Variants in DLG2 observed in about 807,000 individuals in gnomAD.
DLG2 encodes disks large homolog 2.
A neutral mutation model predicts 132.5 loss-of-function variants in DLG2; 45 were observed. The observed-to-expected ratio is 0.34, with a 90% CI of 0.27 to 0.44. The LOEUF (loss-of-function observed/expected upper bound fraction) is 0.44. DLG2 is among the 20% of genes least tolerant of loss of function. The pLI, the probability that DLG2 is intolerant of heterozygous loss-of-function variation, is 1.00. For synonymous variants in DLG2, 424 were observed against 419.6 expected, an observed-to-expected ratio of 1.01 and a Z score of -0.13; for missense variants, 1,045 against 1,196.9, an observed-to-expected ratio of 0.87 and a Z score of 1.87.
At chr11:84,721,207 C>A (rs2061798977) in intron 6 of DLG2, among the ~76,000 whole-genome samples, 1 of 152,170 alleles carries the variant, frequency 6.6e-6, no homozygotes, top group South Asian at 2.1e-4. Flanking sequence ...CAACAGCATG[C>A]CTTGCCGGGG....
chr11:85,308,568 C>G (rs1009622027), intron 3 of DLG2, among the ~76,000 whole-genome samples: 1 of 152,098 alleles, frequency 6.6e-6, no homozygotes, highest in Non-Finnish European at 1.5e-5. Context: ...AAGCTCTTAC[C>G]GAATCCTGGT....
At chr11:83,549,466 ATAATAACTGG>A (rs1171512185) in intron 19 of DLG2, among the ~76,000 whole-genome samples, 1 of 152,196 alleles carries the variant, frequency 6.6e-6, no homozygotes, top group Non-Finnish European at 1.5e-5. Flanking sequence ...AGCATTTCAC[ATAATAACTGG>A]CAAAACAAAA....
chr11:83,947,719 A>G (rs1218830744), intron 14 of DLG2, among the ~76,000 whole-genome samples: 1 of 152,204 alleles, frequency 6.6e-6, no homozygotes, highest in Non-Finnish European at 1.5e-5. Flanking sequence ...GGATGGGGAA[A>G]CTGAGGCACA....
At position 83,850,160 on chromosome 11, in the gene DLG2, G is replaced by GTGTGTGTGTGTTTTT. The variant is rs1452960432; in HGVS notation, c.1566-16391_1566-16390insAAAAACACACACACA. The stretch of plus-strand genomic sequence containing the variant: ...TGTGTGTGTGTGTGTGTGTGTGTGT[G>GTGTGTGTGTGTTTTT]TTTTTTTACTTGAGACGGAGTCTCA... On this transcript the variant is annotated intron_variant, in intron 16 of 27. Transcript: ENST00000376104. Among the ~76,000 whole-genome samples, 16 of 124,372 alleles carry GTGTGTGTGTGTTTTT rather than the reference G, an allele frequency of 1.3e-4. 1 individual carries two copies. Among genetic ancestry groups the GTGTGTGTGTGTTTTT allele is most frequent in the African/African-American group, 5.8e-4 (16 of 27,718 alleles). 81.6% of individuals were successfully genotyped at this position (124,372 alleles called of 152,430 possible).
intron 6 of DLG2, among the ~76,000 whole-genome samples, chr11:84,976,173 A>T (rs2054876158): frequency 2.0e-5 from 3 of 152,150 alleles, no homozygotes; most frequent in Admixed American, 1.3e-4. Flanking sequence ...AAACTTGCTG[A>T]AGACTGGAAT....
intron 3 of DLG2, among the ~76,000 whole-genome samples, chr11:85,596,297 G>A (rs1354426523): frequency 6.6e-6 from 1 of 152,168 alleles, no homozygotes; most frequent in Non-Finnish European, 1.5e-5. Flanking sequence ...GCTGAGGAAG[G>A]AGAACTGCTT....
At chr11:84,366,721 T>C (rs2098685281) in intron 7 of DLG2, among the ~76,000 whole-genome samples, 1 of 152,078 alleles carries the variant, frequency 6.6e-6, no homozygotes, top group Non-Finnish European at 1.5e-5. Flanking sequence ...AAGAAGGCCA[T>C]TACATAATGG....
intron 18 of DLG2, among the ~76,000 whole-genome samples, chr11:83,706,761 G>A (rs2084108387): frequency 6.6e-6 from 1 of 152,202 alleles, no homozygotes. Flanking sequence ...ATGCCAGAGT[G>A]GCGAGTGGGC....
At chr11:83,474,734 C>T (rs1004356465) in intron 22 of DLG2, among the ~76,000 whole-genome samples, 8 of 152,052 alleles carry the variant, frequency 5.3e-5, no homozygotes, top group Admixed American at 2.0e-4. Flanking sequence ...ATGAGGCCAA[C>T]GGTAGGTTCT....
chr11:84,258,804 T>C (rs1348732637), intron 7 of DLG2, among the ~76,000 whole-genome samples: 1 of 152,200 alleles, frequency 6.6e-6, no homozygotes, highest in Non-Finnish European at 1.5e-5. Context: ...GCCTGGAAAC[T>C]TGTTAGTTTC....
chr11:83,517,510 T>C (rs1565595807), intron 21 of DLG2, among the ~76,000 whole-genome samples: 1 of 152,248 alleles, frequency 6.6e-6, no homozygotes, highest in Non-Finnish European at 1.5e-5. Context: ...TGAAGCCTTC[T>C]TCTCTCAACT....
At chr11:84,534,095 T>C (rs1209272244) in intron 7 of DLG2, among the ~76,000 whole-genome samples, 7 of 152,122 alleles carry the variant, frequency 4.6e-5, no homozygotes, top group African/African-American at 7.2e-5. Flanking sequence ...TTGAAATAAA[T>C]CTAGTAAACA....
At chr11:85,522,281 A>C (rs1400600228) in intron 3 of DLG2, among the ~76,000 whole-genome samples, 1 of 152,204 alleles carries the variant, frequency 6.6e-6, no homozygotes, top group African/African-American at 2.4e-5. Flanking sequence ...GGTGCACAGA[A>C]GACAAGAACT....
At chr11:84,274,214 C>A (rs920351588) in intron 7 of DLG2, among the ~76,000 whole-genome samples, 2 of 152,174 alleles carry the variant, frequency 1.3e-5, no homozygotes, top group African/African-American at 4.8e-5. Flanking sequence ...TGAGGCTCCA[C>A]CAGTCCCTAA....
chr11:84,985,191 C>T (rs530584819), intron 6 of DLG2, among the ~76,000 whole-genome samples: 13 of 152,160 alleles, frequency 8.5e-5, no homozygotes, highest in Non-Finnish European at 1.5e-4. Flanking sequence ...TTCAATGGCA[C>T]ATGGAACTTT....
chr11:83,638,570 T>C (rs1447342518), intron 18 of DLG2, among the ~76,000 whole-genome samples: 41 of 152,110 alleles, frequency 2.7e-4, no homozygotes, highest in Admixed American at 2.6e-3. Flanking sequence ...TTGTAACCCC[T>C]TTCTGTACTG....
intron 7 of DLG2, among the ~76,000 whole-genome samples, chr11:84,521,535 T>G (rs1591474461): frequency 6.6e-6 from 1 of 152,322 alleles, no homozygotes; most frequent in East Asian, 1.9e-4. Context: ...GTCTAGTGAT[T>G]CTATGAGGCT....
chr11:83,490,375 A>AATG (rs2093770540), intron 21 of DLG2, among the ~76,000 whole-genome samples: 1 of 152,002 alleles, frequency 6.6e-6, no homozygotes, highest in Non-Finnish European at 1.5e-5. Flanking sequence ...AAAATACATA[A>AATG]ATGATGTAAC....
chr11:83,985,349 T>G (rs951921707), intron 11 of DLG2, among the ~76,000 whole-genome samples: 1 of 152,090 alleles, frequency 6.6e-6, no homozygotes, highest in African/African-American at 2.4e-5. Flanking sequence ...TTTTTATTTT[T>G]TTGCCTTTAA....
Sources: allele counts gnomAD v4.1 joint callset (sites outside exome capture counted in the v4.1 genomes callset), GRCh38; gene constraint gnomAD v4.1.1; transcripts MANE v1.5; gene names NCBI Gene and HGNC (gene_info 2026-07-23, HGNC 2026-07-21).